The following UNC79 variants were observed in gnomAD, a reference collection of about 807,000 sequenced individuals.
The protein encoded by UNC79 is unc-79 subunit of NALCN channel complex.
UNC79 carries 37 observed loss-of-function variants against 283.1 expected under a neutral mutation model. That is an observed-to-expected ratio of 0.13 (90% CI 0.10 to 0.17). The LOEUF (loss-of-function observed/expected upper bound fraction) is 0.17. Ranked by LOEUF, UNC79 falls within the 10% of genes least tolerant of loss-of-function variation. The probability of loss-of-function intolerance (pLI) is 1.00; values close to 1 mark genes in which losing one functional copy is unlikely to be tolerated. For missense variants in UNC79, 2,272 were observed against 3,211.1 expected (o/e 0.71, Z 7.07); for synonymous variants, 1,107 against 1,200.2 (o/e 0.92, Z 1.61).
intron 15 of UNC79, 106 bp downstream of exon 15, chr14:93,572,190 T>A: frequency 1.6e-6 from 2 of 1,238,946 alleles, no homozygotes; most frequent in South Asian, 3.8e-5. Flanking sequence ...TATAATCTCA[T>A]TTATTTTTTA....
At chr14:93,344,891 A>C (rs2053791669) in intron 1 of UNC79, among the ~76,000 whole-genome samples, 1 of 152,170 alleles carries the variant, frequency 6.6e-6, no homozygotes, top group Non-Finnish European at 1.5e-5. Context: ...TCCAGAGCAC[A>C]GTTGCCCAGT....
chr14:93,622,596 T>C (rs897723130), exon 30 of UNC79: 12 of 1,613,906 alleles, frequency 7.4e-6, no homozygotes, highest in African/African-American at 1.3e-5. Flanking sequence ...ACCGTCCTCC[T>C]CAAAGTTCCC....
intron 26 of UNC79, among the ~76,000 whole-genome samples, chr14:93,603,806 G>A (rs537683885): frequency 6.6e-6 from 1 of 152,214 alleles, no homozygotes; most frequent in South Asian, 2.1e-4. Context: ...GCTAAGGAGG[G>A]ACAGTTGAAA....
intron 14 of UNC79, among the ~76,000 whole-genome samples, chr14:93,549,910 G>A (rs1475466574): frequency 1.3e-5 from 2 of 152,210 alleles, no homozygotes; most frequent in Non-Finnish European, 2.9e-5. Flanking sequence ...TATGTAAGAA[G>A]ACAGCTTTAG....
intron 39 of UNC79, among the ~76,000 whole-genome samples, chr14:93,659,574 A>C (rs975314152): frequency 1.3e-5 from 2 of 152,154 alleles, no homozygotes; most frequent in East Asian, 3.9e-4. Flanking sequence ...ATCTCTGATA[A>C]CTTCTCATTT....
Position 93,622,837 on chromosome 14 carries a change from T to A in UNC79, c.5604T>A (p.Asp1868Glu), listed in dbSNP as rs886539427. The A allele has an allele frequency of 9.9e-6, 16 of 1,612,152 alleles. No homozygotes were observed. Among genetic ancestry groups the A allele is most frequent in the East Asian group, 8.9e-5 (4 of 44,868 alleles). ...TGGACAAACTGGGAGAACAGAAAGA[T>A]CCAGGTAAGCTCGCCTCTCTTCTTT... Residue 1868 changes from aspartate (D) to glutamate (E), a missense_variant, in exon 30 of 49, where the codon GAT (aspartate) becomes GAA (glutamate). Physicochemically the swap from Asp to Glu is conservative, Grantham distance 45. This residue lies in a region of UNC79 where 580 missense variants were observed against 632.2 expected (regional missense o/e 0.92). Transcript: ENST00000555664.
chr14:93,421,415 C>T, intron 1 of UNC79, among the ~76,000 whole-genome samples: 1 of 151,518 alleles, frequency 6.6e-6, no homozygotes, highest in Non-Finnish European at 1.5e-5. Context: ...ATGAATAAAT[C>T]CAAAACCTGA....
At chr14:93,456,116 C>A (rs148997860) in intron 1 of UNC79, among the ~76,000 whole-genome samples, 1 of 152,120 alleles carries the variant, frequency 6.6e-6, no homozygotes, top group Admixed American at 6.5e-5. Flanking sequence ...GGCCCATATT[C>A]TCAGTGTTTG....
intron 27 of UNC79, among the ~76,000 whole-genome samples, chr14:93,614,662 C>CT (rs1353248438): frequency 2.0e-5 from 3 of 151,502 alleles, no homozygotes; most frequent in South Asian, 2.1e-4. Context: ...AATCCTCTTC[C>CT]TTTTTTGGCT....
At chr14:93,444,284 T>C (rs960748033) in intron 1 of UNC79, among the ~76,000 whole-genome samples, 12 of 152,206 alleles carry the variant, frequency 7.9e-5, no homozygotes, top group African/African-American at 2.7e-4. Flanking sequence ...TCTATTTTTA[T>C]TGGTTTTTTT....
chr14:93,396,930 T>C (rs2055010848), intron 1 of UNC79, among the ~76,000 whole-genome samples: 1 of 152,086 alleles, frequency 6.6e-6, no homozygotes, highest in Non-Finnish European at 1.5e-5. Context: ...TTTCTTATCA[T>C]GTTGTCAGTC....
intron 1 of UNC79, among the ~76,000 whole-genome samples, chr14:93,413,073 T>C (rs1033128362): frequency 3.3e-5 from 5 of 152,136 alleles, no homozygotes; most frequent in African/African-American, 1.2e-4. Context: ...ACGGTACATG[T>C]GCACAATGTG....
intron 20 of UNC79, among the ~76,000 whole-genome samples, chr14:93,583,542 A>G (rs974436290): frequency 2.0e-5 from 3 of 152,222 alleles, no homozygotes; most frequent in Non-Finnish European, 4.4e-5. Context: ...TCATATGAAC[A>G]GTGAATTGTG....
chr14:93,464,642 A>C (rs2057090930), intron 1 of UNC79: 2 of 455,934 alleles, frequency 4.4e-6, no homozygotes, highest in Admixed American at 4.7e-5. Flanking sequence ...AGTTTTGAAG[A>C]TAGTATAACT....
At chr14:93,526,814 A>G (rs2060570094) in intron 8 of UNC79, among the ~76,000 whole-genome samples, 1 of 152,190 alleles carries the variant, frequency 6.6e-6, no homozygotes, top group African/African-American at 2.4e-5. Flanking sequence ...AGTAGTGTGA[A>G]AAAGTATCTT....
intron 1 of UNC79, chr14:93,348,469 G>A (rs1218936237): frequency 4.8e-6 from 1 of 208,552 alleles, no homozygotes; most frequent in East Asian, 1.2e-4. Context: ...CTATATGGGA[G>A]TGAATGTATC....
intron 1 of UNC79, among the ~76,000 whole-genome samples, chr14:93,367,072 A>G (rs1389253272): frequency 2.6e-5 from 4 of 152,132 alleles, no homozygotes; most frequent in Admixed American, 2.0e-4. Flanking sequence ...AGGCTTTCAT[A>G]CTGACTTTGA....
intron 1 of UNC79, among the ~76,000 whole-genome samples, chr14:93,444,529 C>T (rs1230888744): frequency 6.6e-6 from 1 of 151,962 alleles, no homozygotes; most frequent in African/African-American, 2.4e-5. Flanking sequence ...AGATTTTCTT[C>T]AGTATTTTCT....
intron 34 of UNC79, 30 bp from the exon 38 acceptor site, chr14:93,646,578 T>C (rs780078400): frequency 6.2e-7 from 1 of 1,610,618 alleles, no homozygotes; most frequent in Non-Finnish European, 8.5e-7. Context: ...CCTAAGATAT[T>C]TGTGTGACTC....
Sources: gnomAD v4.1 joint callset for allele counts (sites outside exome capture counted in the v4.1 genomes callset) on GRCh38, gnomAD v4.1.1 for gene constraint, gnomAD v4.1.1 regional missense constraint, MANE v1.5 for transcripts, NCBI Gene and HGNC (gene_info 2026-07-23, HGNC 2026-07-21) for gene names.